UCHL3: variants seen among roughly 807,000 people sequenced by gnomAD.
UCHL3 encodes the protein ubiquitin C-terminal hydrolase L3.
Under a neutral mutation model 35.8 loss-of-function variants are expected in UCHL3, and 22 were observed. The ratio of observed to expected loss-of-function variants is 0.61; its 90% CI spans 0.44 to 0.88. The LOEUF (loss-of-function observed/expected upper bound fraction) is 0.88. UCHL3 is among the 40% of genes least tolerant of loss of function. UCHL3 has a pLI of 0.00. For missense variants in UCHL3, 229 were observed against 276.9 expected (o/e 0.83, Z 1.23); for synonymous variants, 90 against 92.8 (o/e 0.97, Z 0.17).
In UCHL3 at chr13:75,560,769, G is replaced by T; in HGVS notation, c.71G>T (p.Gly24Val). 2 of 1,597,220 alleles carry T rather than the reference G, an allele frequency of 1.3e-6. No homozygotes were observed. The highest frequency in any genetic ancestry group is 1.4e-5 in the African/African-American group (1 of 73,204). ...EVTNQFLKQL[G>V]LHPNWQFVDV... ...TTTTACCAGTTTCTTAAACAATTAG[G>T]TCTACATCCTAACTGGCAATTCGTT... Residue 24 changes from glycine to valine, a missense_variant, in exon 3 of 9, where the codon GGT becomes GTT. Gly to Val is a moderately radical substitution (Grantham distance 109, BLOSUM62 -3). Coordinates refer to ENST00000377595, the MANE Select transcript of UCHL3 (RefSeq NM_006002.5).
chr13:75,563,133 A>G (rs1005613536), intron 3 of UCHL3, among the ~76,000 whole-genome samples: 1 of 35,734 alleles, frequency 2.8e-5, no homozygotes, highest in African/African-American at 4.7e-5. Flanking sequence ...TCCTTTATGT[A>G]TGTATGTATG....
intron 8 of UCHL3, 43 bp from the exon 9 acceptor site, chr13:75,605,686 C>T: frequency 6.4e-7 from 1 of 1,564,340 alleles, no homozygotes; most frequent in Non-Finnish European, 8.8e-7. Context: ...GTAAGTAAAA[C>T]ACTTTTACAC....
intron 6 of UCHL3, among the ~76,000 whole-genome samples, chr13:75,573,162 G>A (rs1208499319): frequency 6.6e-6 from 1 of 152,000 alleles, no homozygotes; most frequent in Non-Finnish European, 1.5e-5. Flanking sequence ...TATTTGGGAG[G>A]CTGAGGCGGG....
chr13:75,558,164 CTCATT>C (rs2031355425), intron 2 of UCHL3, among the ~76,000 whole-genome samples: 1 of 152,058 alleles, frequency 6.6e-6, no homozygotes, highest in South Asian at 2.1e-4. Context: ...TTATATCTAT[CTCATT>C]TAATTGTTGA....
chr13:75,576,806 T>C (rs2032037554), intron 6 of UCHL3, among the ~76,000 whole-genome samples: 1 of 152,236 alleles, frequency 6.6e-6, no homozygotes, highest in Non-Finnish European at 1.5e-5. Context: ...GAAATACGGT[T>C]GAATGTTCTA....
intron 6 of UCHL3, among the ~76,000 whole-genome samples, chr13:75,578,570 A>G (rs548864541): frequency 6.6e-6 from 1 of 152,208 alleles, no homozygotes; most frequent in East Asian, 1.9e-4. Flanking sequence ...CAGCTTTGAA[A>G]ATCGCTTGCC....
intron 2 of UCHL3, among the ~76,000 whole-genome samples, chr13:75,559,025 G>A (rs1289375995): frequency 7.0e-6 from 1 of 143,358 alleles, no homozygotes; most frequent in African/African-American, 2.6e-5. Context: ...CCTCAGCCCC[G>A]GACTCTTTTT....
intron 6 of UCHL3, among the ~76,000 whole-genome samples, chr13:75,581,125 A>G (rs555708044): frequency 2.0e-5 from 3 of 152,186 alleles, no homozygotes; most frequent in Non-Finnish European, 2.9e-5. Flanking sequence ...CATGTTAGGT[A>G]TATTTTAGAA....
intron 6 of UCHL3, among the ~76,000 whole-genome samples, chr13:75,577,193 T>G (rs1406531132): frequency 6.6e-6 from 1 of 152,066 alleles, no homozygotes; most frequent in East Asian, 1.9e-4. Context: ...AAGACTGCAG[T>G]GAGCTGTGAT....
At chr13:75,575,983 T>C (rs971021271) in intron 6 of UCHL3, among the ~76,000 whole-genome samples, 1 of 152,060 alleles carries the variant, frequency 6.6e-6, no homozygotes, top group East Asian at 1.9e-4. Context: ...AGTTCCTGGC[T>C]TCAGGTGATC....
intron 7 of UCHL3, among the ~76,000 whole-genome samples, chr13:75,600,766 G>A (rs1395036889): frequency 1.3e-5 from 2 of 152,182 alleles, no homozygotes; most frequent in Non-Finnish European, 2.9e-5. Flanking sequence ...ATGGATCAAG[G>A]AATCATTTAG....
intron 6 of UCHL3, among the ~76,000 whole-genome samples, chr13:75,576,005 G>C (rs1410384261): frequency 6.6e-6 from 1 of 152,052 alleles, no homozygotes; most frequent in Admixed American, 6.6e-5. Context: ...GACTACCTCG[G>C]CCTCCCAAAG....
At chr13:75,599,885 G>A (rs965681804) in intron 7 of UCHL3, among the ~76,000 whole-genome samples, 2 of 152,200 alleles carry the variant, frequency 1.3e-5, no homozygotes, top group African/African-American at 4.8e-5. Context: ...AAGCCAGGAT[G>A]GTCTGATAGC....
intron 3 of UCHL3, among the ~76,000 whole-genome samples, chr13:75,563,432 C>A (rs2031581422): frequency 6.6e-6 from 1 of 152,174 alleles, no homozygotes; most frequent in Admixed American, 6.5e-5. Flanking sequence ...CCACTTTGGT[C>A]TCCCAGAGTG....
At chr13:75,589,233 C>T (rs757328966) in intron 6 of UCHL3, among the ~76,000 whole-genome samples, 1 of 152,086 alleles carries the variant, frequency 6.6e-6, no homozygotes, top group Non-Finnish European at 1.5e-5. Flanking sequence ...TCTGATTCCT[C>T]ATTTGCATAA....
chr13:75,578,257 T>C (rs1399541148), intron 6 of UCHL3, among the ~76,000 whole-genome samples: 1 of 152,132 alleles, frequency 6.6e-6, no homozygotes, highest in East Asian at 1.9e-4. Context: ...TATTTTTCAT[T>C]TCCTTAACTT....
Position 75,589,855 on chromosome 13 carries a change from G to A in UCHL3, c.475-5060G>A, listed in dbSNP as rs1008758850. 16 of 1,066,838 alleles carry A rather than the reference G, an allele frequency of 1.5e-5. No homozygotes were observed. In the Admixed American group the frequency reaches 2.9e-4, roughly 20 times the overall value. The allele number at this position is 1,066,838 out of a possible 1,614,324, so 66.1% of individuals were successfully genotyped here. A position where few individuals can be genotyped will look rare whatever the true frequency, so the allele number is the denominator to read the frequency against. ...AAATAGTAGACCATATGAATTACAA[G>A]CATGACCATACGTTGCTTTTAAGAA... On this transcript the variant is annotated intron_variant, in intron 6 of 8. Coordinates refer to ENST00000377595, the MANE Select transcript of UCHL3 (RefSeq NM_006002.5).
At chr13:75,594,744 C>A (rs975872525) in intron 6 of UCHL3, among the ~76,000 whole-genome samples, 171 bp from the exon 7 acceptor site, 19 of 152,192 alleles carry the variant, frequency 1.2e-4, no homozygotes, top group African/African-American at 4.6e-4. Flanking sequence ...CACATTGTCA[C>A]AAACACAGGC....
chr13:75,555,213 G>A (rs927527795), intron 2 of UCHL3, among the ~76,000 whole-genome samples: 9 of 152,146 alleles, frequency 5.9e-5, no homozygotes, highest in Admixed American at 5.2e-4. Flanking sequence ...GTAGGTTCTT[G>A]TCATCTGTGG....
Sources: gnomAD v4.1 joint callset for allele counts (sites outside exome capture counted in the v4.1 genomes callset) on GRCh38, gnomAD v4.1.1 for gene constraint, MANE v1.5 for transcripts, NCBI Gene and HGNC (gene_info 2026-07-23, HGNC 2026-07-21) for gene names.